Variants in GRM8 observed in about 807,000 individuals in gnomAD.
GRM8 encodes the protein metabotropic glutamate receptor 8.
In GRM8, 47 loss-of-function variants were observed where a neutral mutation model predicts 87.2. The ratio of observed to expected loss-of-function variants is 0.54; its 90% CI spans 0.43 to 0.69. GRM8 has a LOEUF of 0.69. Among genes scored for constraint, GRM8 ranks in the 30% least tolerant of loss-of-function variants. GRM8 has a pLI of 0.00. For missense variants in GRM8, 1,019 were observed against 1,139.2 expected (o/e 0.89, Z 1.52); for synonymous variants, 396 against 404.5 (o/e 0.98, Z 0.25).
At chr7:127,158,139 G>A (rs926456826) in intron 2 of GRM8, among the ~76,000 whole-genome samples, 1 of 152,134 alleles carries the variant, frequency 6.6e-6, no homozygotes, top group Admixed American at 6.6e-5. Context: ...TTTTATACAA[G>A]TAAACCCAGA....
At chr7:126,997,344 G>T (rs926544710) in intron 3 of GRM8, among the ~76,000 whole-genome samples, 5 of 150,902 alleles carry the variant, frequency 3.3e-5, no homozygotes, top group Admixed American at 2.0e-4. Flanking sequence ...ATCAAAAAAA[G>T]AAAAACTTAA....
chr7:127,110,998 G>C lies in GRM8; in HGVS notation c.511-4286C>G, dbSNP rs546932297. On this transcript the variant is annotated intron_variant, in intron 2 of 10. Coordinates refer to ENST00000339582, the MANE Select transcript of GRM8 (RefSeq NM_000845.3). ...ACCCTCTTCTCTCCATATTCCACTG[G>C]CAACCAGACATTTGAGAAATACTTG... 3.3e-5 allele frequency: 5 copies of C among 152,270 alleles called. No homozygotes were observed. In the South Asian group the frequency reaches 1.0e-3, roughly 32 times the overall value. 9.4% of individuals were successfully genotyped at this position (152,270 alleles called of 1,614,324 possible).
At chr7:126,790,110 T>G (rs1821120193) in intron 6 of GRM8, among the ~76,000 whole-genome samples, 1 of 151,930 alleles carries the variant, frequency 6.6e-6, no homozygotes, top group Middle Eastern at 3.2e-3. Flanking sequence ...CAGGTTCAAA[T>G]GATTCTCCTG....
At chr7:126,833,910 C>T (rs1460945614) in intron 6 of GRM8, among the ~76,000 whole-genome samples, 1 of 152,114 alleles carries the variant, frequency 6.6e-6, no homozygotes, top group Non-Finnish European at 1.5e-5. Flanking sequence ...ACAGAAAACA[C>T]TTTCAAAAGC....
intron 2 of GRM8, among the ~76,000 whole-genome samples, chr7:127,168,554 C>T (rs1193537645): frequency 6.6e-6 from 1 of 152,102 alleles, no homozygotes; most frequent in Non-Finnish European, 1.5e-5. Context: ...CATTCACATG[C>T]ACACATATGT....
Position 126,533,267 on chromosome 7 carries a change from G to C in GRM8, c.2115C>G (p.Val705=). 6.2e-7 allele frequency: 1 copy of C among 1,613,756 alleles called. No individual in the cohort carries two copies. Among genetic ancestry groups the C allele is most frequent in the Non-Finnish European group, 8.5e-7 (1 of 1,179,958 alleles). ...ACCAGACAAACACTCCAAGGAGCTG[G>C]ACGGAGATGAGGCTGAAGGTGATCA... is the stretch of plus-strand genomic sequence containing the variant. The part of the protein sequence containing the change: ...QLVITFSLIS[V]QLLGVFVWFV... The change falls in exon 9 of 11, where the codon GTC becomes GTG. Residue 705 remains valine (V), a synonymous_variant. Coordinates refer to ENST00000339582, the MANE Select transcript of GRM8 (RefSeq NM_000845.3).
In GRM8 at chr7:126,693,072, C is replaced by T. The variant is rs1809000296; in HGVS notation, c.1357+76793G>A. Among the ~76,000 whole-genome samples the T allele has an allele frequency of 2.6e-5, 4 of 152,136 alleles. No homozygotes were observed. The South Asian group carries it at 8.3e-4, about 31-fold the overall frequency. On this transcript the variant is annotated intron_variant, in intron 7 of 10. Transcript: ENST00000339582. ...GAAGAGTGAATAACAAACTAATCGC[C>T]TCAAACTTCACTAAGATTAACTGGA...
intron 3 of GRM8, among the ~76,000 whole-genome samples, chr7:126,972,839 A>G (rs1426301916): frequency 6.6e-6 from 1 of 152,226 alleles, no homozygotes; most frequent in African/African-American, 2.4e-5. Flanking sequence ...GACTATGCTC[A>G]TTATGCAAAA....
intron 7 of GRM8, among the ~76,000 whole-genome samples, chr7:126,642,840 C>G (rs1417452724): frequency 6.6e-6 from 1 of 151,968 alleles, no homozygotes; most frequent in African/African-American, 2.4e-5. Context: ...CCAGGTGATT[C>G]TGGGGAAGTT....
intron 7 of GRM8, among the ~76,000 whole-genome samples, chr7:126,688,618 CA>C (rs1210544789): frequency 1.3e-5 from 2 of 151,816 alleles, no homozygotes; most frequent in African/African-American, 2.4e-5. Context: ...AGATAGAAGG[CA>C]AAAAATACCA....
intron 3 of GRM8, among the ~76,000 whole-genome samples, chr7:126,906,090 T>A (rs1039898074): frequency 2.0e-5 from 3 of 151,980 alleles, no homozygotes; most frequent in Non-Finnish European, 4.4e-5. Context: ...GGTGATTAGG[T>A]CATGAGAGTG....
At chr7:127,109,909 G>A (rs1401133456) in intron 2 of GRM8, among the ~76,000 whole-genome samples, 2 of 152,070 alleles carry the variant, frequency 1.3e-5, no homozygotes, top group Non-Finnish European at 1.5e-5. Flanking sequence ...AAGACCCTAG[G>A]AGGCTGCTCT....
At chr7:126,479,329 T>A (rs749232266) in intron 9 of GRM8, among the ~76,000 whole-genome samples, 3 of 152,084 alleles carry the variant, frequency 2.0e-5, no homozygotes, top group Non-Finnish European at 4.4e-5. Flanking sequence ...ATAAATGTAA[T>A]CTAATTTTAG....
chr7:126,955,661 T>C (rs17869625), intron 3 of GRM8, among the ~76,000 whole-genome samples: 121 of 152,290 alleles, frequency 7.9e-4, no homozygotes, highest in African/African-American at 2.8e-3. Flanking sequence ...TAATTATTCC[T>C]GTCAATTCAA....
At chr7:126,575,549 G>A (rs1156464361) in intron 8 of GRM8, among the ~76,000 whole-genome samples, 1 of 151,846 alleles carries the variant, frequency 6.6e-6, no homozygotes, top group African/African-American at 2.4e-5. Flanking sequence ...AAAAATGTTG[G>A]GGACCGCTGC....
intron 3 of GRM8, among the ~76,000 whole-genome samples, chr7:127,003,392 A>G (rs1563401449): frequency 6.6e-6 from 1 of 151,768 alleles, no homozygotes; most frequent in African/African-American, 2.4e-5. Context: ...TTGGTGCTAT[A>G]GATTAAATTT....
At chr7:127,162,976 T>C (rs929577063) in intron 2 of GRM8, among the ~76,000 whole-genome samples, 9 of 152,120 alleles carry the variant, frequency 5.9e-5, no homozygotes, top group Admixed American at 5.2e-4. Context: ...TTTAGTTATG[T>C]GGATGATGGG....
chr7:127,024,549 T>C (rs1294246526), intron 3 of GRM8, among the ~76,000 whole-genome samples: 1 of 151,994 alleles, frequency 6.6e-6, no homozygotes, highest in Non-Finnish European at 1.5e-5. Context: ...CTCAAAAGCA[T>C]CCTTCTAACA....
chr7:127,016,936 A>C (rs1042870947), intron 3 of GRM8, among the ~76,000 whole-genome samples: 1 of 152,034 alleles, frequency 6.6e-6, no homozygotes. Flanking sequence ...TATTCATTCA[A>C]TATATTCAGA....
Sources: gnomAD v4.1 joint callset for allele counts (sites outside exome capture counted in the v4.1 genomes callset) on GRCh38, gnomAD v4.1.1 for gene constraint, MANE v1.5 for transcripts, NCBI Gene and HGNC (gene_info 2026-07-23, HGNC 2026-07-21) for gene names.